Variants in POGZ observed in about 807,000 individuals in gnomAD.
The protein encoded by POGZ is pogo transposable element with ZNF domain.
POGZ carries 17 observed loss-of-function variants against 134.6 expected under a neutral mutation model. That is an observed-to-expected ratio of 0.13 (90% CI 0.09 to 0.19). The LOEUF (loss-of-function observed/expected upper bound fraction) is 0.19, where lower values mean the gene tolerates loss of function less well. POGZ is among the 10% of genes least tolerant of loss of function. The probability of loss-of-function intolerance (pLI) is 1.00; values close to 1 mark genes in which losing one functional copy is unlikely to be tolerated. For synonymous variants in POGZ, 693 were observed against 657.1 expected (o/e 1.05, Z -0.84); for missense variants, 1,306 against 1,769.7 (o/e 0.74, Z 4.70).
rs1444303492 is a variant in POGZ, at chr1:151,459,182, C to G, written c.-32G>C. The G allele has an allele frequency of 6.6e-6, 1 of 151,606 alleles. No homozygotes were observed. Among genetic ancestry groups the G allele is most frequent in the Admixed American group, 6.6e-5 (1 of 15,244 alleles). The allele number at this position is 151,606 out of a possible 1,614,324, so 9.4% of individuals were successfully genotyped here. A position where few individuals can be genotyped will look rare whatever the true frequency, so the allele number is the denominator to read the frequency against. On this transcript the variant is annotated 5_prime_UTR_variant, in exon 1 of 19. Coordinates refer to ENST00000271715, the MANE Select transcript of POGZ (RefSeq NM_015100.4). ...GTGGTCGTCGCCGCCGGTAGTCTGA[C>G]CCGAGGAAGGCGCCGTCGCCTTAAA... is the stretch of plus-strand genomic sequence containing the variant.
Position 151,404,136 on chromosome 1 carries a change from T to A in POGZ, c.*666A>T. ...ATGCATTTTTAAAGCCACAATTTTA[T>A]ATCTAGGGTTGCTGTAGAAACCAAC... On this transcript the variant is annotated 3_prime_UTR_variant, in exon 19 of 19. Transcript: ENST00000271715. 1.0e-6 allele frequency: 1 copy of A among 985,504 alleles called. No individual in the cohort carries two copies. The highest frequency in any genetic ancestry group is 1.2e-6 in the Non-Finnish European group (1 of 829,776). The allele number at this position is 985,504 out of a possible 1,614,324, so 61.0% of individuals were successfully genotyped here. A position where few individuals can be genotyped will look rare whatever the true frequency, so the allele number is the denominator to read the frequency against.
In POGZ at chr1:151,408,096, T is replaced by C. The variant is rs764454317; in HGVS notation, c.2375+4A>G. The C allele has an allele frequency of 6.2e-7, 1 of 1,605,290 alleles. No individual in the cohort carries two copies. Among genetic ancestry groups the C allele is most frequent in the South Asian group, 1.1e-5 (1 of 90,176 alleles). ...GCTAAAACACTGGTTAAAAACCAAC[T>C]TACTTGATCATGTGGTTGGCATAAG... On this transcript the variant is annotated splice_donor_region_variant and intron_variant, in intron 15 of 18. Coordinates refer to ENST00000271715, the MANE Select transcript of POGZ (RefSeq NM_015100.4).
intron 8 of POGZ, 102 bp from the exon 9 acceptor site, chr1:151,424,388 A>G: frequency 2.7e-6 from 2 of 728,482 alleles, no homozygotes; most frequent in Non-Finnish European, 4.4e-6. Flanking sequence ...GGTTTCAGGT[A>G]TTCTCATTCA....
chr1:151,444,262 G>T (rs1331335122), intron 1 of POGZ, among the ~76,000 whole-genome samples: 1 of 152,086 alleles, frequency 6.6e-6, no homozygotes, highest in Admixed American at 6.5e-5. Flanking sequence ...TTATTTTCAG[G>T]CTTAATTATA....
intron 1 of POGZ, among the ~76,000 whole-genome samples, chr1:151,446,505 C>G (rs906983159): frequency 6.6e-6 from 1 of 151,952 alleles, no homozygotes; most frequent in Non-Finnish European, 1.5e-5. Flanking sequence ...CCTGTAATCC[C>G]AACACTTTGG....
chr1:151,428,235 G>T lies in POGZ; in HGVS notation c.747C>A (p.Thr249=). 4 of 1,613,990 alleles carry T rather than the reference G, an allele frequency of 2.5e-6. No individual in the cohort carries two copies. Among genetic ancestry groups the T allele is most frequent in the Non-Finnish European group, 3.4e-6 (4 of 1,179,862 alleles). The change falls in exon 6 of 19, where the codon ACC becomes ACA. Residue 249 remains threonine, a synonymous_variant. Coordinates refer to ENST00000271715, the MANE Select transcript of POGZ (RefSeq NM_015100.4). The stretch of plus-strand genomic sequence containing the variant: ...TGGTAGAAGTGCTGGGAGTGGACTT[G>T]GTCTGCTGGGACTGGGACTGTGGGA... ...STVPQSQSQQ[T]KSTPSTSTTP...
Position 151,411,636 on chromosome 1 carries a change from T to C in POGZ, c.1915A>G (p.Met639Val), listed in dbSNP as rs1654690215. 3 of 1,608,726 alleles carry C rather than the reference T, an allele frequency of 1.9e-6. No homozygotes were observed. The highest frequency in any genetic ancestry group is 1.3e-5 in the African/African-American group (1 of 74,462). ...TTGGTGCCTAGTACCTGGTGCCTCATGTAATGCTGTTGGAATGCATTGCCA... is the reference window on the plus strand; with the variant it reads ...TTGGTGCCTAGTACCTGGTGCCTCACGTAATGCTGTTGGAATGCATTGCCA... ...KNGNAFQQHY[M>V]RHQKRNVYHC... Residue 639 changes from methionine (M) to valine (V), a missense_variant, in exon 12 of 19, where the codon ATG becomes GTG. Around this residue, in one of 10 missense-constraint regions of POGZ, gnomAD observed 149 missense variants for 237.5 expected, o/e 0.63. Transcript: ENST00000271715.
intron 10 of POGZ, among the ~76,000 whole-genome samples, chr1:151,417,688 CCACACACA>C (rs59753677): frequency 0.04 from 5,495 of 137,524 alleles, 120 homozygotes; most frequent in African/African-American, 0.041. Flanking sequence ...GGTACTGTGG[CCACACACA>C]CACACACACA....
Position 151,424,138 on chromosome 1 carries a change from GAC to G in POGZ, c.1332_1333del (p.Ser445ThrfsTer10). On this transcript the variant is annotated frameshift_variant, in exon 9 of 19. Coordinates refer to ENST00000271715, the MANE Select transcript of POGZ (RefSeq NM_015100.4). LOFTEE classifies it high-confidence loss of function. ...TGGTTCTGGTACTTTGGTAGGCGGT[GAC>G]AGAGCAGGAATAGGTGTAGAAGAGG... is the stretch of plus-strand genomic sequence containing the variant. The G allele has an allele frequency of 6.2e-7, 1 of 1,614,146 alleles. No homozygotes were observed. Among genetic ancestry groups the G allele is most frequent in the African/African-American group, 1.3e-5 (1 of 75,030 alleles).
At chr1:151,410,943 T>A (rs1654559627) in intron 12 of POGZ, among the ~76,000 whole-genome samples, 1 of 152,178 alleles carries the variant, frequency 6.6e-6, no homozygotes, top group African/African-American at 2.4e-5. Context: ...AACTCTACCC[T>A]CTTTTTATTT....
chr1:151,414,114 T>C (rs545759101), intron 10 of POGZ, among the ~76,000 whole-genome samples: 7 of 152,226 alleles, frequency 4.6e-5, no homozygotes, highest in South Asian at 4.1e-4. Flanking sequence ...GGAAAAGCTA[T>C]AACAACATAT....
At chr1:151,406,817 G>A in intron 17 of POGZ, 94 bp downstream of exon 17, 1 of 1,031,174 alleles carries the variant, frequency 9.7e-7, no homozygotes, top group Middle Eastern at 2.1e-4. Context: ...CAGTGAATGA[G>A]TGAGGCCAAG....
chr1:151,424,179 A>C lies in POGZ; in HGVS notation c.1293T>G (p.Pro431=), dbSNP rs1402690733. Residue 431 remains proline (P), a synonymous_variant, in exon 9 of 19, where the codon CCT becomes CCG. Coordinates refer to ENST00000271715, the MANE Select transcript of POGZ (RefSeq NM_015100.4). ...GTGTAGAAGAGGGTGTGGAAGCAAC[A>C]GGAGCTGTTTTCTCAGGGGATGGGG... ...AKPPSPEKTA[P]VASTPSSTPI... is the part of the protein sequence containing the mutation. 6.2e-7 allele frequency: 1 copy of C among 1,614,054 alleles called. No homozygotes were observed. The highest frequency in any genetic ancestry group is 8.5e-7 in the Non-Finnish European group (1 of 1,179,940).
chr1:151,406,786 A>G lies in POGZ; in HGVS notation c.2545+125T>C, dbSNP rs1021179968. ...TAAACTTCAGGTCGGAAGGTTTCTA[A>G]TTAGGTCCAGCACATCTCAACAGTG... On this transcript the variant is annotated intron_variant, in intron 17 of 18. Transcript: ENST00000271715. 4.1e-6 allele frequency: 4 copies of G among 969,490 alleles called. No homozygotes were observed. In the African/African-American group the frequency reaches 6.5e-5, roughly 16 times the overall value. The allele number at this position is 969,490 out of a possible 1,614,324, so 60.1% of individuals were successfully genotyped here.
At chr1:151,411,842 A>G (rs745547778) in intron 11 of POGZ, 71 bp from the exon 12 acceptor site, 1 of 1,361,042 alleles carries the variant, frequency 7.3e-7, no homozygotes, top group South Asian at 1.6e-5. Flanking sequence ...AAAAAAAGGT[A>G]GCAACAAAAA....
intron 10 of POGZ, among the ~76,000 whole-genome samples, chr1:151,417,168 A>G (rs1307178159): frequency 6.6e-6 from 1 of 151,550 alleles, no homozygotes; most frequent in Non-Finnish European, 1.5e-5. Context: ...GGTTCAAGTA[A>G]TTCTCCTGCC....
Position 151,403,895 on chromosome 1 carries a change from G to A in POGZ, c.*907C>T. On this transcript the variant is annotated 3_prime_UTR_variant, in exon 19 of 19. Transcript: ENST00000271715. The stretch of plus-strand genomic sequence containing the variant: ...CTTACAGGATGAAGACTCAAACTGG[G>A]AATGGCTTCCACCCTAAAACTGTTT... 1 of 985,414 alleles carries A rather than the reference G, an allele frequency of 1.0e-6. No individual in the cohort carries two copies. 61.0% of individuals were successfully genotyped at this position (985,414 alleles called of 1,614,324 possible).
In POGZ at chr1:151,404,475, ATT is replaced by A. The variant is rs552957484; in HGVS notation, c.*325_*326del. On this transcript the variant is annotated 3_prime_UTR_variant, in exon 19 of 19. Coordinates refer to ENST00000271715, the MANE Select transcript of POGZ (RefSeq NM_015100.4). ...AAAATTTAACATTTGCCCACAAATA[ATT>A]TTTTTTCTTTTTCTTAATTTTGTCA... is the stretch of plus-strand genomic sequence containing the variant. 1.2e-5 allele frequency: 12 copies of A among 1,026,396 alleles called. No individual in the cohort carries two copies. Among genetic ancestry groups the A allele is most frequent in the African/African-American group, 3.4e-5 (2 of 58,538 alleles). The allele number at this position is 1,026,396 out of a possible 1,614,324, so 63.6% of individuals were successfully genotyped here.
chr1:151,406,530 T>TATG (rs1378002259), intron 18 of POGZ, 66 bp from the exon 19 acceptor site: 116 of 1,537,140 alleles, frequency 7.5e-5, no homozygotes, highest in Non-Finnish European at 9.7e-5. Flanking sequence ...GAAACAATAA[T>TATG]ATGATAATAA....
Sources: gnomAD v4.1 joint callset for allele counts (sites outside exome capture counted in the v4.1 genomes callset) on GRCh38, gnomAD v4.1.1 for gene constraint, gnomAD v4.1.1 regional missense constraint, MANE v1.5 for transcripts, NCBI Gene and HGNC (gene_info 2026-07-23, HGNC 2026-07-21) for gene names.